The following CNBD1 variants were observed in gnomAD, a reference collection of about 807,000 sequenced individuals.
CNBD1 encodes the protein cyclic nucleotide binding domain containing 1.
A neutral mutation model predicts 54.4 loss-of-function variants in CNBD1; 71 were observed. The observed-to-expected ratio is 1.30, with a 90% CI of 1.08 to 1.59. The LOEUF is 1.59. CNBD1 is among the 40% of genes most tolerant of loss of function. The pLI is 0.00. For missense variants in CNBD1, 659 were observed against 518.0 expected (o/e 1.27, Z -2.64); for synonymous variants, 182 against 170.7 (o/e 1.07, Z -0.51).
intron 4 of CNBD1, among the ~76,000 whole-genome samples, chr8:86,954,131 T>C (rs1807698555): frequency 6.6e-6 from 1 of 152,236 alleles, no homozygotes; most frequent in Non-Finnish European, 1.5e-5. Flanking sequence ...TTCCCTTCTT[T>C]TGTCAGTATT....
intron 4 of CNBD1, among the ~76,000 whole-genome samples, chr8:87,114,624 A>G (rs1811733639): frequency 2.6e-5 from 4 of 152,182 alleles, no homozygotes; most frequent in Admixed American, 2.6e-4. Flanking sequence ...TGCTGGGATT[A>G]CAGGCATGAC....
rs149900398 is a variant in CNBD1 at position 86,902,574 on chromosome 8, T to G, written c.159-2507T>G. 3.6e-3 allele frequency among the ~76,000 whole-genome samples: 546 copies of G among 152,172 alleles called. 2 individuals are homozygous for G. The highest frequency in any genetic ancestry group is 0.012 in the African/African-American group (491 of 41,518). On this transcript the variant is annotated intron_variant, in intron 2 of 10. Transcript: ENST00000518476. ...CCCTGTATATAGAGAATCCTGAAAG[T>G]GTTCTAGAGTTCTGCTGTGTAAACC...
intron 4 of CNBD1, among the ~76,000 whole-genome samples, chr8:87,040,428 T>C (rs1310569651): frequency 1.3e-5 from 2 of 149,682 alleles, no homozygotes; most frequent in Non-Finnish European, 3.0e-5. Flanking sequence ...TTTTTCTTTT[T>C]TTTTTTTTTT....
chr8:87,301,786 TA>T (rs1372887593), intron 8 of CNBD1, among the ~76,000 whole-genome samples: 3 of 151,620 alleles, frequency 2.0e-5, no homozygotes, highest in African/African-American at 7.3e-5. Flanking sequence ...ATAGAGGAAA[TA>T]AAAAATGATA....
chr8:87,277,064 G>A (rs1808496572), intron 6 of CNBD1, among the ~76,000 whole-genome samples: 1 of 140,870 alleles, frequency 7.1e-6, no homozygotes, highest in South Asian at 2.3e-4. Flanking sequence ...AATCATGATG[G>A]GTCATTTATA....
chr8:87,335,154 G>T (rs924271399), intron 8 of CNBD1, among the ~76,000 whole-genome samples: 1 of 152,188 alleles, frequency 6.6e-6, no homozygotes, highest in South Asian at 2.1e-4. Context: ...TAAGTGTCAT[G>T]TGGCACTGAG....
chr8:87,190,866 A>T (rs371655559), intron 4 of CNBD1, among the ~76,000 whole-genome samples: 2,096 of 58,286 alleles, frequency 0.036, 107 homozygotes, highest in African/African-American at 0.11. Flanking sequence ...CCTATATCTA[A>T]ATAGATATAG....
In CNBD1 at chr8:87,155,488, T is replaced by C. The variant is rs538737369; in HGVS notation, c.432-50505T>C. Among the ~76,000 whole-genome samples, 19 of 152,260 alleles carry C rather than the reference T, an allele frequency of 1.2e-4. No individual in the cohort carries two copies. The South Asian group carries it at 2.5e-3, about 20-fold the overall frequency. ...GAACTACATCAATGGTAGCAATTCA[T>C]TGGAGAAGGGGATGAATATGGAATA... On this transcript the variant is annotated intron_variant, in intron 4 of 10. Coordinates refer to ENST00000518476, the MANE Select transcript of CNBD1 (RefSeq NM_173538.3).
intron 1 of CNBD1, among the ~76,000 whole-genome samples, chr8:86,877,416 C>G (rs1749007261): frequency 6.6e-6 from 1 of 152,046 alleles, no homozygotes; most frequent in African/African-American, 2.4e-5. Context: ...ATTTGATATC[C>G]AAATAATATC....
At chr8:86,956,510 G>A (rs554411044) in intron 4 of CNBD1, among the ~76,000 whole-genome samples, 1 of 152,150 alleles carries the variant, frequency 6.6e-6, no homozygotes, top group Non-Finnish European at 1.5e-5. Flanking sequence ...ATTTCACTGA[G>A]CAGTGGTTTG....
At chr8:87,162,326 T>C (rs756916591) in intron 4 of CNBD1, among the ~76,000 whole-genome samples, 4 of 152,174 alleles carry the variant, frequency 2.6e-5, no homozygotes, top group Non-Finnish European at 5.9e-5. Flanking sequence ...TTCAATTTAT[T>C]AAAGCTTTGT....
At chr8:87,263,680 A>C (rs1381831144) in intron 6 of CNBD1, among the ~76,000 whole-genome samples, 7 of 152,178 alleles carry the variant, frequency 4.6e-5, no homozygotes, top group Non-Finnish European at 1.0e-4. Context: ...AAATTTTACC[A>C]AGGCAAACAA....
At chr8:87,347,611 T>A (rs1482101168) in intron 8 of CNBD1, among the ~76,000 whole-genome samples, 2 of 152,124 alleles carry the variant, frequency 1.3e-5, no homozygotes, top group Non-Finnish European at 2.9e-5. Flanking sequence ...GTCACGGTGA[T>A]CTCATTGAGA....
intron 6 of CNBD1, among the ~76,000 whole-genome samples, chr8:87,265,787 C>CCT (rs1808243657): frequency 2.0e-5 from 3 of 152,188 alleles, no homozygotes; most frequent in African/African-American, 7.2e-5. Flanking sequence ...GTCTGCAAAA[C>CCT]TGAAAATATG....
At chr8:87,369,875 C>T (rs539632885) in intron 10 of CNBD1, among the ~76,000 whole-genome samples, 3 of 152,106 alleles carry the variant, frequency 2.0e-5, no homozygotes, top group East Asian at 1.9e-4. Flanking sequence ...TATCCCTCCC[C>T]ACTCCCCCGA....
At chr8:87,072,295 C>T (rs1810774778) in intron 4 of CNBD1, among the ~76,000 whole-genome samples, 1 of 151,994 alleles carries the variant, frequency 6.6e-6, no homozygotes, top group Non-Finnish European at 1.5e-5. Context: ...ACCAGTTGTC[C>T]TATTTACATA....
In CNBD1 at chr8:87,266,927, C is replaced by T. The variant is rs149512770; in HGVS notation, c.772-17751C>T. On this transcript the variant is annotated intron_variant, in intron 6 of 10. Coordinates refer to ENST00000518476, the MANE Select transcript of CNBD1 (RefSeq NM_173538.3). ...TGCCTAATGATGAAAGGAAAGACTTCGAATATTTTAGGTGCTCTTTTCTTC... is the reference window on the plus strand; with the variant it reads ...TGCCTAATGATGAAAGGAAAGACTTTGAATATTTTAGGTGCTCTTTTCTTC... Among the ~76,000 whole-genome samples the T allele has an allele frequency of 8.5e-3, 1,286 of 151,996 alleles. 22 individuals carry two copies. The highest frequency in any genetic ancestry group is 0.029 in the African/African-American group (1,216 of 41,344).
intron 8 of CNBD1, 28 bp from the exon 9 acceptor site, chr8:87,351,657 T>A (rs1381906323): frequency 1.4e-6 from 2 of 1,452,966 alleles, no homozygotes; most frequent in Non-Finnish European, 1.8e-6. Flanking sequence ...CAAGAATGTG[T>A]GAAATGAACT....
At chr8:87,384,601 G>C (rs1054226238), downstream of CNBD1, among the ~76,000 whole-genome samples, 2 of 152,106 alleles carry the variant, frequency 1.3e-5, no homozygotes, top group African/African-American at 4.8e-5. Context: ...AACTCTGAAA[G>C]ACTAACAAAC....
Sources: allele counts gnomAD v4.1 joint callset (sites outside exome capture counted in the v4.1 genomes callset), GRCh38; gene constraint gnomAD v4.1.1; transcripts MANE v1.5; gene names NCBI Gene and HGNC (gene_info 2026-07-23, HGNC 2026-07-21).